PIK3C2G: variants seen among roughly 807,000 people sequenced by gnomAD.
The protein encoded by PIK3C2G is phosphatidylinositol-4-phosphate 3-kinase catalytic subunit type 2 gamma.
Under a neutral mutation model 181.1 loss-of-function variants are expected in PIK3C2G, and 168 were observed. The ratio of observed to expected loss-of-function variants is 0.93; its 90% confidence interval spans 0.82 to 1.05. The LOEUF is 1.05. Among genes scored for constraint, PIK3C2G ranks in the 50% least tolerant of loss-of-function variants. PIK3C2G has a pLI of 0.00. For missense variants in PIK3C2G, 1,869 were observed against 1,732.8 expected, an observed-to-expected ratio of 1.08 and a Z score of -1.40; for synonymous variants, 573 against 592.2, an observed-to-expected ratio of 0.97 and a Z score of 0.47.
intron 29 of PIK3C2G, among the ~76,000 whole-genome samples, chr12:18,582,620 G>A (rs889386104): frequency 6.6e-6 from 1 of 152,114 alleles, no homozygotes; most frequent in Non-Finnish European, 1.5e-5. Context: ...TGCAGGCTCC[G>A]CTTCCACAGA....
At chr12:18,599,596 T>C (rs941077459) in intron 30 of PIK3C2G, among the ~76,000 whole-genome samples, 12 of 151,802 alleles carry the variant, frequency 7.9e-5, no homozygotes, top group African/African-American at 2.7e-4. Flanking sequence ...CATGTATACA[T>C]ATGCAACTAA....
intron 31 of PIK3C2G, among the ~76,000 whole-genome samples, chr12:18,617,205 A>T (rs1948643193): frequency 6.6e-6 from 1 of 152,098 alleles, no homozygotes; most frequent in Non-Finnish European, 1.5e-5. Flanking sequence ...CCTTATAAAA[A>T]ATTTGTAAGT....
At chr12:18,592,103 A>G (rs1947113959) in intron 29 of PIK3C2G, among the ~76,000 whole-genome samples, 1 of 151,876 alleles carries the variant, frequency 6.6e-6, no homozygotes. Context: ...TGCTTAGAAG[A>G]GTCAAGTGAA....
intron 5 of PIK3C2G, among the ~76,000 whole-genome samples, chr12:18,312,875 T>A (rs530027225): frequency 6.6e-6 from 1 of 152,148 alleles, no homozygotes; most frequent in Non-Finnish European, 1.5e-5. Context: ...AAATTCTATA[T>A]AATTATTCTA....
chr12:18,669,551 C>G, the PIK3C2G span, among the ~76,000 whole-genome samples: 2 of 152,156 alleles, frequency 1.3e-5, no homozygotes, highest in Non-Finnish European at 1.5e-5. Context: ...CTGGAAAGTC[C>G]AATCCAGCAG....
intron 5 of PIK3C2G, among the ~76,000 whole-genome samples, chr12:18,295,029 A>T (rs1479347285): frequency 6.6e-6 from 1 of 150,874 alleles, no homozygotes; most frequent in Non-Finnish European, 1.5e-5. Flanking sequence ...TGTGGGAAAA[A>T]TAATATTTCA....
At chr12:18,495,026 G>A (rs1940887350) in intron 20 of PIK3C2G, among the ~76,000 whole-genome samples, 1 of 151,728 alleles carries the variant, frequency 6.6e-6, no homozygotes, top group Non-Finnish European at 1.5e-5. Flanking sequence ...AGTAAGCAAG[G>A]GTTTGTGTTT....
chr12:18,683,566 A>G, the PIK3C2G span: 4 of 1,476,356 alleles, frequency 2.7e-6, no homozygotes, highest in African/African-American at 2.8e-5. Context: ...AAAGCGCTGC[A>G]TGATCCAAAA....
intron 18 of PIK3C2G, among the ~76,000 whole-genome samples, chr12:18,439,975 T>C (rs962656033): frequency 6.6e-6 from 1 of 152,084 alleles, no homozygotes; most frequent in Admixed American, 6.6e-5. Context: ...CATAAAGTAG[T>C]AGTTAATAGT....
intron 16 of PIK3C2G, among the ~76,000 whole-genome samples, chr12:18,407,761 G>A (rs537118946): frequency 6.6e-6 from 1 of 152,232 alleles, no homozygotes; most frequent in South Asian, 2.1e-4. Flanking sequence ...AAGTGGGAAT[G>A]AATTGACAAA....
chr12:18,297,252 G>A (rs1949980422), intron 5 of PIK3C2G, among the ~76,000 whole-genome samples: 1 of 151,822 alleles, frequency 6.6e-6, no homozygotes, highest in Non-Finnish European at 1.5e-5. Flanking sequence ...GATAATATAT[G>A]AAGTATAATG....
At chr12:18,469,093 G>T (rs371831533) in intron 18 of PIK3C2G, among the ~76,000 whole-genome samples, 14 of 152,078 alleles carry the variant, frequency 9.2e-5, no homozygotes. Flanking sequence ...TACCCAGATT[G>T]CTTCAATCAG....
the PIK3C2G span, among the ~76,000 whole-genome samples, chr12:18,661,655 G>T: frequency 4.6e-5 from 7 of 152,078 alleles, no homozygotes; most frequent in Non-Finnish European, 1.0e-4. Context: ...TAACATGCTG[G>T]TGAGGCTGTG....
At chr12:18,560,215 G>T (rs1274184909) in intron 26 of PIK3C2G, among the ~76,000 whole-genome samples, 2 of 151,834 alleles carry the variant, frequency 1.3e-5, no homozygotes, top group Non-Finnish European at 2.9e-5. Context: ...CTTCCTGAAA[G>T]TTCAGGAATA....
intron 24 of PIK3C2G, among the ~76,000 whole-genome samples, chr12:18,534,417 T>C (rs144146746): frequency 0.02 from 3,116 of 152,122 alleles, 52 homozygotes; most frequent in African/African-American, 0.041. Context: ...TTAAAAATAA[T>C]AATAACTTCA....
the PIK3C2G span, among the ~76,000 whole-genome samples, chr12:18,695,441 T>C: frequency 6.6e-6 from 1 of 152,128 alleles, no homozygotes; most frequent in South Asian, 2.1e-4. Context: ...ATCAACTATG[T>C]CATAAATTTT....
At chr12:18,675,021 A>G in the PIK3C2G span, among the ~76,000 whole-genome samples, 1 of 152,146 alleles carries the variant, frequency 6.6e-6, no homozygotes, top group African/African-American at 2.4e-5. Context: ...ACTTCCAAAG[A>G]CGGCAATAGT....
intron 18 of PIK3C2G, among the ~76,000 whole-genome samples, chr12:18,486,518 C>A (rs1479210046): frequency 6.6e-6 from 1 of 152,046 alleles, no homozygotes; most frequent in African/African-American, 2.4e-5. Flanking sequence ...ATAACCCCAA[C>A]CCTAAAATAT....
intron 11 of PIK3C2G, among the ~76,000 whole-genome samples, chr12:18,347,601 G>T (rs550823036): frequency 3.9e-5 from 6 of 152,218 alleles, no homozygotes; most frequent in African/African-American, 1.4e-4. Context: ...CTTCAGGTCA[G>T]AGGTTCAAAA....
Sources: allele counts gnomAD v4.1 joint callset (sites outside exome capture counted in the v4.1 genomes callset), GRCh38; gene constraint gnomAD v4.1.1; transcripts MANE v1.5; gene names NCBI Gene and HGNC (gene_info 2026-07-23, HGNC 2026-07-21).